NCEH1: variants seen among roughly 807,000 people sequenced by gnomAD.
NCEH1 encodes the protein 2-acetyl MAGE hydrolase.
Under a neutral mutation model 25.4 loss-of-function variants are expected in NCEH1, and 9 were observed. The observed-to-expected ratio is 0.35, with a 90% CI of 0.21 to 0.62. NCEH1 has a LOEUF of 0.62. Ranked by LOEUF, NCEH1 falls within the 20% of genes least tolerant of loss-of-function variation. NCEH1 has a pLI of 0.72. For missense variants in NCEH1, 412 were observed against 501.1 expected (o/e 0.82, Z 1.70); for synonymous variants, 200 against 199.8 (o/e 1.00, Z -0.01).
rs990098638 is a variant in NCEH1 at position 172,631,854 on chromosome 3, C to T, written c.*1621G>A. 1.3e-5 allele frequency: 2 copies of T among 152,588 alleles called. No individual in the cohort carries two copies. The highest frequency in any genetic ancestry group is 2.9e-5 in the Non-Finnish European group (2 of 68,066). 9.5% of individuals were successfully genotyped at this position (152,588 alleles called of 1,614,324 possible). ...ATTACTCAGCTCTGCTGCTGCTCTCCGCAGCCCCTAAAAGTAGCATGGATC... is the reference window on the plus strand; with the variant it reads ...ATTACTCAGCTCTGCTGCTGCTCTCTGCAGCCCCTAAAAGTAGCATGGATC... On this transcript the variant is annotated 3_prime_UTR_variant, in exon 5 of 5. Transcript: ENST00000475381.
chr3:172,689,630 AG>A (rs1188622333), intron 1 of NCEH1, among the ~76,000 whole-genome samples: 40 of 492 alleles, frequency 0.081, no homozygotes, highest in African/African-American at 0.18. Flanking sequence ...AGACCACCTG[AG>A]CGCCAGGAGG....
chr3:172,653,744 GT>G lies in NCEH1; in HGVS notation c.139-5631del, dbSNP rs796835886. Among the ~76,000 whole-genome samples the G allele has an allele frequency of 3.1e-5, 3 of 95,674 alleles. No homozygotes were observed. The Admixed American group carries it at 3.2e-4, about 10-fold the overall frequency. The allele number at this position is 95,674 out of a possible 152,430, so 62.8% of individuals were successfully genotyped here. On this transcript the variant is annotated intron_variant, in intron 1 of 4. Transcript: ENST00000475381. ...TTGTTGTTGTTGTTCTGTTTTTTTT[GT>G]TTTTTTGTTTTTTTGTTTTTTTTTT... is the stretch of plus-strand genomic sequence containing the variant.
rs1426977636 is a variant in NCEH1 at position 172,710,917 on chromosome 3, A to C, written c.68T>G (p.Leu23Arg). The C allele has an allele frequency of 6.2e-7, 1 of 1,613,980 alleles. No individual in the cohort carries two copies. The highest frequency in any genetic ancestry group is 1.3e-5 in the African/African-American group (1 of 74,936). The part of the protein sequence containing the change: ...ALAAYYVYIP[L>R]PGSVSDPWKL... ...CCAGGGGTCGGACACGGAGCCAGGC[A>C]GCGGGATGTAGACGTAATAGGCGGC... The change falls in exon 1 of 5, where the codon CTG becomes CGG. Residue 23 changes from leucine (L) to arginine (R), a missense_variant. Leu to Arg is a moderately radical substitution (Grantham distance 102). Transcript: ENST00000475381.
chr3:172,703,715 T>C (rs1713828237), intron 1 of NCEH1, among the ~76,000 whole-genome samples: 1 of 152,092 alleles, frequency 6.6e-6, no homozygotes, highest in African/African-American at 2.4e-5. Flanking sequence ...GGTATTTCTA[T>C]GCTCAGGGTT....
intron 1 of NCEH1, among the ~76,000 whole-genome samples, chr3:172,669,851 AG>A (rs1711517124): frequency 6.6e-6 from 1 of 152,208 alleles, no homozygotes; most frequent in South Asian, 2.1e-4. Context: ...TCATTTTCAA[AG>A]GACTTGTGTA....
intron 1 of NCEH1, among the ~76,000 whole-genome samples, chr3:172,676,280 C>T (rs1384098643): frequency 1.3e-5 from 2 of 152,086 alleles, no homozygotes; most frequent in Non-Finnish European, 2.9e-5. Flanking sequence ...CTTGAAGGGC[C>T]GGGCCAGGAA....
rs1306978524 is a variant in NCEH1, at chr3:172,642,916, T to A, written c.437+2707A>T. Among the ~76,000 whole-genome samples, 3 of 151,530 alleles carry A rather than the reference T, an allele frequency of 2.0e-5. No individual in the cohort carries two copies. The Admixed American group carries it at 2.0e-4, about 10-fold the overall frequency. On this transcript the variant is annotated intron_variant, in intron 3 of 4. Coordinates refer to ENST00000475381, the MANE Select transcript of NCEH1 (RefSeq NM_020792.6). ...GATTTCTGTTTCCAGGAGTTCACAT[T>A]CTTTTGTTTTTGCTTTGTTTGTTTG... is the stretch of plus-strand genomic sequence containing the variant.
intron 1 of NCEH1, among the ~76,000 whole-genome samples, chr3:172,673,417 C>A (rs567172256): frequency 6.6e-6 from 1 of 152,214 alleles, no homozygotes; most frequent in Non-Finnish European, 1.5e-5. Context: ...CAAACACAAG[C>A]GCTCAATTGG....
At chr3:172,676,143 A>C (rs1711981102) in intron 1 of NCEH1, among the ~76,000 whole-genome samples, 1 of 152,074 alleles carries the variant, frequency 6.6e-6, no homozygotes, top group Non-Finnish European at 1.5e-5. Context: ...TTGAGGGGGG[A>C]AATAATACAG....
At chr3:172,694,130 G>A (rs1309497779) in intron 1 of NCEH1, among the ~76,000 whole-genome samples, 2 of 152,070 alleles carry the variant, frequency 1.3e-5, no homozygotes, top group Non-Finnish European at 1.5e-5. Flanking sequence ...CTGGGCTCAA[G>A]CAAACTTCCT....
chr3:172,679,503 C>A (rs1272157297), intron 1 of NCEH1, among the ~76,000 whole-genome samples: 2 of 152,066 alleles, frequency 1.3e-5, no homozygotes, highest in Non-Finnish European at 2.9e-5. Flanking sequence ...ATGTACCGCA[C>A]ACCCATCGTT....
chr3:172,677,982 G>A (rs562493900), intron 1 of NCEH1, among the ~76,000 whole-genome samples: 5 of 152,346 alleles, frequency 3.3e-5, no homozygotes, highest in Middle Eastern at 3.4e-3. Flanking sequence ...GACTGATCCT[G>A]ACCCACTGCT....
chr3:172,690,281 C>A (rs1712963827), intron 1 of NCEH1, among the ~76,000 whole-genome samples: 1 of 152,070 alleles, frequency 6.6e-6, no homozygotes, highest in South Asian at 2.1e-4. Context: ...TGCTCTTTCC[C>A]CAGAATAGTG....
chr3:172,704,169 A>G (rs577295916), intron 1 of NCEH1, among the ~76,000 whole-genome samples: 81 of 152,330 alleles, frequency 5.3e-4, no homozygotes, highest in African/African-American at 1.9e-3. Context: ...ACACAGCCCA[A>G]AAGCACATCA....
chr3:172,699,181 T>C (rs896298278), intron 1 of NCEH1, among the ~76,000 whole-genome samples: 2 of 151,792 alleles, frequency 1.3e-5, no homozygotes, highest in Non-Finnish European at 2.9e-5. Flanking sequence ...GATTTCTGAG[T>C]TGGTATTGAA....
intron 1 of NCEH1, among the ~76,000 whole-genome samples, chr3:172,707,049 AAC>A (rs1446822253): frequency 1.3e-5 from 2 of 152,188 alleles, no homozygotes; most frequent in Non-Finnish European, 2.9e-5. Context: ...TCAAAAAATA[AAC>A]ACACTTATAA....
In NCEH1 at chr3:172,633,752, G is replaced by C. The variant is rs1431997572; in HGVS notation, c.950C>G (p.Pro317Arg). 6.2e-7 allele frequency: 1 copy of C among 1,614,236 alleles called. No individual in the cohort carries two copies. Among genetic ancestry groups the C allele is most frequent in the Admixed American group, 1.7e-5 (1 of 60,030 alleles). The stretch of plus-strand genomic sequence containing the variant: ...GGCGGAGCGGGCATCCAGCAACTGA[G>C]GAAGCTCCTGGACAATCCTGGCATT... ...TGNARIVQEL[P>R]QLLDARSAPL... Residue 317 changes from proline (P) to arginine (R), a missense_variant, in exon 5 of 5, where the codon CCT becomes CGT. By Grantham distance (103) the Pro-to-Arg change is moderately radical. Coordinates refer to ENST00000475381, the MANE Select transcript of NCEH1 (RefSeq NM_020792.6).
intron 1 of NCEH1, among the ~76,000 whole-genome samples, chr3:172,692,194 T>A (rs1264287548): frequency 6.6e-6 from 1 of 152,050 alleles, no homozygotes; most frequent in Non-Finnish European, 1.5e-5. Context: ...ACATTAGGGA[T>A]ACAGCAAGAA....
intron 1 of NCEH1, among the ~76,000 whole-genome samples, chr3:172,665,378 G>A (rs748695621): frequency 6.6e-6 from 1 of 152,180 alleles, no homozygotes; most frequent in Non-Finnish European, 1.5e-5. Context: ...GCACCTGGCT[G>A]TATGAGGTGT....
Sources: gnomAD v4.1 joint callset for allele counts (sites outside exome capture counted in the v4.1 genomes callset) on GRCh38, gnomAD v4.1.1 for gene constraint, MANE v1.5 for transcripts, NCBI Gene and HGNC (gene_info 2026-07-23, HGNC 2026-07-21) for gene names.